The following LRIG1 variants were observed in gnomAD, a reference collection of about 807,000 sequenced individuals.
The protein encoded by LRIG1 is leucine-rich repeats and immunoglobulin-like domains protein 1.
Under a neutral mutation model 99.2 loss-of-function variants are expected in LRIG1, and 48 were observed. The ratio of observed to expected loss-of-function variants is 0.48; its 90% CI spans 0.38 to 0.62. The LOEUF (loss-of-function observed/expected upper bound fraction) is 0.62. LRIG1 is among the 20% of genes least tolerant of loss of function. The pLI, the probability that LRIG1 is intolerant of heterozygous loss-of-function variation, is 0.00. For missense variants in LRIG1, 1,646 were observed against 1,434.4 expected (o/e 1.15, Z -2.38); for synonymous variants, 772 against 596.1 (o/e 1.29, Z -4.30).
intron 13 of LRIG1, 86 bp downstream of exon 13, chr3:66,385,895 G>C: frequency 8.2e-7 from 1 of 1,225,374 alleles, no homozygotes; most frequent in Non-Finnish European, 1.2e-6. Flanking sequence ...TCCTGTCTCA[G>C]TCATCTCTAC....
intron 9 of LRIG1, chr3:66,404,401 C>T (rs1702186978): frequency 1.3e-5 from 16 of 1,248,330 alleles, no homozygotes; most frequent in African/African-American, 1.6e-5. Context: ...TGCTAGTAAA[C>T]AGTAATAATG....
chr3:66,486,183 T>C (rs897068466), intron 1 of LRIG1, among the ~76,000 whole-genome samples: 2 of 152,158 alleles, frequency 1.3e-5, no homozygotes, highest in Non-Finnish European at 2.9e-5. Flanking sequence ...AATAATAACA[T>C]TATAGCTACC....
intron 9 of LRIG1, chr3:66,404,229 C>G: frequency 7.8e-7 from 1 of 1,288,784 alleles, no homozygotes; most frequent in Non-Finnish European, 1.0e-6. Context: ...AAAAGACTCT[C>G]CCTACCACAG....
chr3:66,484,459 G>A (rs181638274), intron 1 of LRIG1, among the ~76,000 whole-genome samples: 29 of 152,252 alleles, frequency 1.9e-4, no homozygotes, highest in African/African-American at 6.3e-4. Flanking sequence ...GAATCCTCAC[G>A]ATGGGAATCT....
At chr3:66,421,180 T>C (rs1028059038) in intron 3 of LRIG1, among the ~76,000 whole-genome samples, 30 of 152,078 alleles carry the variant, frequency 2.0e-4, no homozygotes, top group African/African-American at 4.3e-4. Flanking sequence ...AGCCAAACCA[T>C]ATCATTCTGC....
intron 1 of LRIG1, among the ~76,000 whole-genome samples, chr3:66,465,357 ATTTT>A (rs59148647): frequency 1.5e-5 from 1 of 67,728 alleles, no homozygotes; most frequent in Non-Finnish European, 3.0e-5. Context: ...TCTGAGCATA[ATTTT>A]TTTTTTTTTT....
chr3:66,433,045 G>A (rs928269154), intron 3 of LRIG1, among the ~76,000 whole-genome samples: 4 of 152,212 alleles, frequency 2.6e-5, no homozygotes, highest in Non-Finnish European at 5.9e-5. Flanking sequence ...GATGACTGGA[G>A]TGGTCAGCGG....
intron 13 of LRIG1, among the ~76,000 whole-genome samples, chr3:66,385,261 C>T (rs1701316099): frequency 6.6e-6 from 1 of 152,146 alleles, no homozygotes; most frequent in Non-Finnish European, 1.5e-5. Context: ...GGCCAGGGCT[C>T]ACACCAGCCT....
chr3:66,382,936 G>A (rs779868210), intron 15 of LRIG1, 46 bp downstream of exon 15: 5 of 1,542,010 alleles, frequency 3.2e-6, no homozygotes, highest in East Asian at 2.3e-5. Context: ...CAGCATCACT[G>A]CCATTCCTCC....
intron 3 of LRIG1, among the ~76,000 whole-genome samples, chr3:66,431,517 G>C (rs1253093058): frequency 6.6e-6 from 1 of 152,154 alleles, no homozygotes; most frequent in Non-Finnish European, 1.5e-5. Context: ...GGGAAGTCCC[G>C]AGCCCAGGGG....
intron 3 of LRIG1, among the ~76,000 whole-genome samples, chr3:66,448,975 G>A (rs1166078721): frequency 2.0e-5 from 3 of 152,166 alleles, no homozygotes; most frequent in African/African-American, 7.2e-5. Flanking sequence ...CACTAGTTCC[G>A]AAAAGTAAGA....
At chr3:66,381,685 A>T in intron 16 of LRIG1, 54 bp from the exon 17 acceptor site, 1 of 1,580,792 alleles carries the variant, frequency 6.3e-7, no homozygotes. Flanking sequence ...TTTCACAGTA[A>T]GCCTTATGAA....
At chr3:66,401,673 A>C in intron 9 of LRIG1, 1 of 1,528,802 alleles carries the variant, frequency 6.5e-7, no homozygotes, top group Non-Finnish European at 8.7e-7. Context: ...GATGGCTCTA[A>C]TAAAAGGCTG....
chr3:66,395,239 G>A (rs9881162), intron 11 of LRIG1, among the ~76,000 whole-genome samples: 6,507 of 152,220 alleles, frequency 0.043, 465 homozygotes, highest in African/African-American at 0.15. Context: ...ACAGGTATGC[G>A]CAGAAATTCC....
chr3:66,429,742 T>C (rs557250246), intron 3 of LRIG1, among the ~76,000 whole-genome samples: 3 of 151,872 alleles, frequency 2.0e-5, no homozygotes, highest in Admixed American at 6.6e-5. Context: ...TTGTAACAAA[T>C]GTACCACACT....
At chr3:66,406,150 G>A (rs1463938367) in intron 8 of LRIG1, 11 of 985,390 alleles carry the variant, frequency 1.1e-5, no homozygotes, top group Admixed American at 1.2e-4. Context: ...AGAGAGGGCA[G>A]CTCTGACTGA....
rs934161148 is a variant in LRIG1, at chr3:66,379,011, C to T, written c.*1252G>A. On this transcript the variant is annotated 3_prime_UTR_variant, in exon 19 of 19. Coordinates refer to ENST00000273261, the MANE Select transcript of LRIG1 (RefSeq NM_015541.3). Reference sequence around the variant, plus strand: ...AGATTAGTCAGTTAACTGTCAAGAACAAAATTCTAAATGTGCTTACCTTTT... The same window carrying T: ...AGATTAGTCAGTTAACTGTCAAGAATAAAATTCTAAATGTGCTTACCTTTT... 1.3e-5 allele frequency: 2 copies of T among 152,622 alleles called. No individual in the cohort carries two copies. The highest frequency in any genetic ancestry group is 2.9e-5 in the Non-Finnish European group (2 of 68,046). 9.5% of individuals were successfully genotyped at this position (152,622 alleles called of 1,614,324 possible).
At chr3:66,415,320 C>T (rs1329111268) in intron 4 of LRIG1, among the ~76,000 whole-genome samples, 1 of 152,128 alleles carries the variant, frequency 6.6e-6, no homozygotes. Context: ...TGCTGGGCCA[C>T]CCCAAGAGGG....
intron 3 of LRIG1, among the ~76,000 whole-genome samples, chr3:66,423,267 C>A (rs972267559): frequency 6.6e-6 from 1 of 152,134 alleles, no homozygotes. Context: ...GTGTACTTTA[C>A]CACAATTTAA....
Sources: gnomAD v4.1 joint callset for allele counts (sites outside exome capture counted in the v4.1 genomes callset) on GRCh38, gnomAD v4.1.1 for gene constraint, MANE v1.5 for transcripts, NCBI Gene and HGNC (gene_info 2026-07-23, HGNC 2026-07-21) for gene names.